CYB5R4: variants seen among roughly 807,000 people sequenced by gnomAD.
CYB5R4 encodes N-terminal cytochrome b5 and cytochrome b5 oxidoreductase domain-containing protein.
In CYB5R4, 55 loss-of-function variants were observed where a neutral mutation model predicts 70.2. The observed-to-expected ratio is 0.78, with a 90% confidence interval of 0.63 to 0.98. The LOEUF is 0.98. CYB5R4 is among the 50% of genes least tolerant of loss of function. CYB5R4 has a pLI of 0.00. For synonymous variants in CYB5R4, 197 were observed against 199.5 expected (o/e 0.99, Z 0.11); for missense variants, 562 against 612.6 (o/e 0.92, Z 0.87).
rs141934862 is a variant in CYB5R4, at chr6:83,921,111, T to C, written c.594T>C (p.Asp198=). The stretch of plus-strand genomic sequence containing the variant: ...TCAATTTAGACTCAATAATAGTTGA[T>C]CATCAGAATGATTCCTTTAGAGCAG... ...KDINLDSIIV[D]HQNDSFRAET... The change falls in exon 8 of 16, where the codon GAT becomes GAC. Residue 198 remains aspartate, a synonymous_variant. Coordinates refer to ENST00000369681, the MANE Select transcript of CYB5R4 (RefSeq NM_016230.4). 865 of 1,530,474 alleles carry C rather than the reference T, an allele frequency of 5.7e-4. 6 individuals are homozygous for C. The Middle Eastern group carries it at 7.4e-3, about 13-fold the overall frequency. The allele number at this position is 1,530,474 out of a possible 1,614,324, so 94.8% of individuals were successfully genotyped here.
chr6:83,908,253 C>T (rs764518978), intron 3 of CYB5R4, among the ~76,000 whole-genome samples: 6 of 151,958 alleles, frequency 3.9e-5, no homozygotes, highest in Non-Finnish European at 7.4e-5. Context: ...TTTTCACTGC[C>T]GGATGACTGC....
rs77003771 is a variant in CYB5R4 at position 83,952,494 on chromosome 6, G to A, written c.1347-2804G>A. ...AAATGATTAGCATTTCTTGGAGCGG[G>A]AAAATAAATCTGGGTAGTAGGATTG... is the stretch of plus-strand genomic sequence containing the variant. On this transcript the variant is annotated intron_variant, in intron 14 of 15. Coordinates refer to ENST00000369681, the MANE Select transcript of CYB5R4 (RefSeq NM_016230.4). Among the ~76,000 whole-genome samples, 473 of 152,218 alleles carry A rather than the reference G, an allele frequency of 3.1e-3. 4 individuals carry two copies. The highest frequency in any genetic ancestry group is 5.5e-3 in the Non-Finnish European group (372 of 68,004).
intron 2 of CYB5R4, among the ~76,000 whole-genome samples, chr6:83,869,440 G>A (rs1040727133): frequency 6.6e-6 from 1 of 152,190 alleles, no homozygotes; most frequent in South Asian, 2.1e-4. Flanking sequence ...ACACAGAGCA[G>A]TGAAAAATAT....
chr6:83,883,141 T>C (rs981352550), intron 2 of CYB5R4, among the ~76,000 whole-genome samples: 1 of 152,116 alleles, frequency 6.6e-6, no homozygotes, highest in Non-Finnish European at 1.5e-5. Context: ...CAAGACTTAA[T>C]GAACTTGCAG....
At chr6:83,895,966 C>A (rs757141731) in intron 3 of CYB5R4, among the ~76,000 whole-genome samples, 1 of 152,190 alleles carries the variant, frequency 6.6e-6, no homozygotes, top group Non-Finnish European at 1.5e-5. Flanking sequence ...GACCTCTTAT[C>A]TTGCATTTCC....
intron 3 of CYB5R4, among the ~76,000 whole-genome samples, chr6:83,906,571 C>T (rs772390553): frequency 6.6e-6 from 1 of 152,186 alleles, no homozygotes; most frequent in Non-Finnish European, 1.5e-5. Context: ...AGTTCTCCAA[C>T]CTGAGTCTTT....
chr6:83,884,065 G>A (rs1331934066), intron 2 of CYB5R4, among the ~76,000 whole-genome samples: 2 of 151,742 alleles, frequency 1.3e-5, no homozygotes, highest in African/African-American at 4.8e-5. Flanking sequence ...GAAAACTTGG[G>A]GCTGGGAGGG....
At chr6:83,913,905 A>G (rs1350308738) in intron 4 of CYB5R4, among the ~76,000 whole-genome samples, 1 of 152,184 alleles carries the variant, frequency 6.6e-6, no homozygotes, top group Non-Finnish European at 1.5e-5. Context: ...TTGTAACACT[A>G]ATAATTGCAT....
intron 2 of CYB5R4, among the ~76,000 whole-genome samples, chr6:83,866,043 G>A (rs2099456686): frequency 6.6e-6 from 1 of 152,124 alleles, no homozygotes; most frequent in Non-Finnish European, 1.5e-5. Context: ...CTTCCCCATT[G>A]TGCCTGAGTG....
intron 3 of CYB5R4, among the ~76,000 whole-genome samples, chr6:83,898,646 G>C (rs1258407755): frequency 6.6e-6 from 1 of 152,174 alleles, no homozygotes; most frequent in Admixed American, 6.5e-5. Flanking sequence ...GCGTTGAGCA[G>C]TGGTTTGTAG....
chr6:83,910,255 A>G (rs2129137916), intron 4 of CYB5R4: 4 of 902,132 alleles, frequency 4.4e-6, no homozygotes, highest in East Asian at 5.3e-5. Flanking sequence ...TCTTTCTTCT[A>G]GAAGCCTCAG....
In CYB5R4 at chr6:83,966,209, ATACT is replaced by A. The variant is rs1429629934; in HGVS notation, c.*6334_*6337del. Reference sequence around the variant, plus strand: ...AAGTTTACTGTGGTTATGGTTGCACATACTTATGAATATACCTAAAAATGTTGAA... The same window carrying A: ...AAGTTTACTGTGGTTATGGTTGCACATATGAATATACCTAAAAATGTTGAA... On this transcript the variant is annotated 3_prime_UTR_variant, in exon 16 of 16. Coordinates refer to ENST00000369681, the MANE Select transcript of CYB5R4 (RefSeq NM_016230.4). 1 of 152,214 alleles carries A rather than the reference ATACT, an allele frequency of 6.6e-6. No homozygotes were observed. The highest frequency in any genetic ancestry group is 1.9e-4 in the East Asian group (1 of 5,200). 9.4% of individuals were successfully genotyped at this position (152,214 alleles called of 1,614,324 possible). A position where few individuals can be genotyped will look rare whatever the true frequency, so the allele number is the denominator to read the frequency against.
chr6:83,900,568 G>A (rs2099462749), intron 3 of CYB5R4, among the ~76,000 whole-genome samples: 1 of 151,732 alleles, frequency 6.6e-6, no homozygotes, highest in Non-Finnish European at 1.5e-5. Context: ...ACAGTAGGGT[G>A]TTAAAGTCTC....
chr6:83,876,643 G>T (rs1425905762), intron 2 of CYB5R4, among the ~76,000 whole-genome samples: 1 of 151,352 alleles, frequency 6.6e-6, no homozygotes, highest in Non-Finnish European at 1.5e-5. Flanking sequence ...GCCTTATGCT[G>T]TTGTTGTTAT....
intron 3 of CYB5R4, among the ~76,000 whole-genome samples, chr6:83,898,531 T>C (rs925438959): frequency 2.2e-4 from 34 of 152,362 alleles, no homozygotes; most frequent in South Asian, 2.1e-3. Flanking sequence ...GGGGATGGCA[T>C]TGAATCTATA....
intron 12 of CYB5R4, among the ~76,000 whole-genome samples, chr6:83,937,281 A>T (rs879910317): frequency 1.3e-5 from 2 of 152,232 alleles, no homozygotes; most frequent in East Asian, 3.9e-4. Context: ...TCTCAAAAAA[A>T]AATAATAAAA....
At chr6:83,909,785 CA>C (rs1406374277) in intron 4 of CYB5R4, among the ~76,000 whole-genome samples, 1 of 152,068 alleles carries the variant, frequency 6.6e-6, no homozygotes, top group East Asian at 1.9e-4. Flanking sequence ...TTTTGCTCTT[CA>C]GGGGGACATT....
intron 3 of CYB5R4, among the ~76,000 whole-genome samples, chr6:83,906,771 A>G (rs7741637): frequency 0.11 from 16,004 of 152,162 alleles, 1,462 homozygotes; most frequent in East Asian, 0.26. Flanking sequence ...CTAGTCAACT[A>G]TCTTCTTTCT....
chr6:83,907,675 G>A (rs1233558473), intron 3 of CYB5R4, among the ~76,000 whole-genome samples: 1 of 151,948 alleles, frequency 6.6e-6, no homozygotes, highest in Admixed American at 6.5e-5. Flanking sequence ...TCATTTCTTT[G>A]TTTTCAGGAG....
Sources: allele counts gnomAD v4.1 joint callset (sites outside exome capture counted in the v4.1 genomes callset), GRCh38; gene constraint gnomAD v4.1.1; transcripts MANE v1.5; gene names NCBI Gene and HGNC (gene_info 2026-07-23, HGNC 2026-07-21).